Variants in PPP1R9A observed in about 807,000 individuals in gnomAD.
PPP1R9A encodes protein phosphatase 1 regulatory subunit 9A, also known as neurabin-1.
In PPP1R9A, 59 loss-of-function variants were observed where a neutral mutation model predicts 141.9. The ratio of observed to expected loss-of-function variants is 0.42; its 90% CI spans 0.34 to 0.52. The LOEUF is 0.52. Ranked by LOEUF, PPP1R9A falls within the 20% of genes least tolerant of loss-of-function variation. The pLI, the probability that PPP1R9A is intolerant of heterozygous loss-of-function variation, is 0.10. For missense variants in PPP1R9A, 1,444 were observed against 1,611.9 expected (o/e 0.90, Z 1.78); for synonymous variants, 500 against 569.7 (o/e 0.88, Z 1.74).
intron 8 of PPP1R9A, among the ~76,000 whole-genome samples, chr7:95,231,824 C>T (rs1385284524): frequency 6.6e-6 from 1 of 152,106 alleles, no homozygotes; most frequent in East Asian, 1.9e-4. Context: ...TAAGGTCCCA[C>T]TTCACAGAAC....
rs189912669 is a variant in PPP1R9A, at chr7:95,210,723, A to G, written c.1956+6993A>G. 9.3e-3 allele frequency among the ~76,000 whole-genome samples: 1,423 copies of G among 152,302 alleles called. 20 individuals carry two copies. The highest frequency in any genetic ancestry group is 0.033 in the African/African-American group (1,368 of 41,548). The stretch of plus-strand genomic sequence containing the variant: ...GTATGTTTATTGCAGCACTATTCAC[A>G]ATAGCAAAGACTTGGAACCAACCCA... On this transcript the variant is annotated intron_variant, in intron 7 of 19. Coordinates refer to ENST00000433360, the MANE Select transcript of PPP1R9A (RefSeq NM_001166160.2).
intron 8 of PPP1R9A, among the ~76,000 whole-genome samples, chr7:95,239,360 A>AGT (rs1298206407): frequency 2.6e-5 from 4 of 152,194 alleles, no homozygotes; most frequent in African/African-American, 9.6e-5. Flanking sequence ...CCAGTGTATA[A>AGT]GTGTGTACCT....
At chr7:95,274,499 C>G (rs1359481695) in intron 16 of PPP1R9A, among the ~76,000 whole-genome samples, 1 of 152,120 alleles carries the variant, frequency 6.6e-6, no homozygotes, top group Non-Finnish European at 1.5e-5. Flanking sequence ...GATTTTTTGC[C>G]TGGCTACCCA....
intron 2 of PPP1R9A, among the ~76,000 whole-genome samples, chr7:95,015,216 G>A (rs1436264279): frequency 1.4e-4 from 11 of 80,850 alleles, no homozygotes; most frequent in African/African-American, 5.9e-4. Flanking sequence ...GTACACACAC[G>A]AATATATATA....
At position 95,284,831 on chromosome 7, in the gene PPP1R9A, C is replaced by T. The variant is rs555113001; in HGVS notation, c.3609+501C>T. ...TTTTTAAATGCATGATGGTTATTTC[C>T]AGCATGACACTGCAAACCTTATCTA... On this transcript the variant is annotated intron_variant, in intron 17 of 19. Coordinates refer to ENST00000433360, the MANE Select transcript of PPP1R9A (RefSeq NM_001166160.2). 5.3e-5 allele frequency among the ~76,000 whole-genome samples: 8 copies of T among 152,254 alleles called. No homozygotes were observed. The South Asian group carries it at 1.7e-3, about 32-fold the overall frequency.
rs10230714 is a variant in PPP1R9A, at chr7:94,911,104, A to G, written c.991A>G (p.Met331Val). The change falls in exon 2 of 20, where the codon ATG becomes GTG. Residue 331 changes from methionine (M) to valine (V), a missense_variant. Met to Val is a conservative substitution (Grantham distance 21). Around this residue, in one of 5 missense-constraint regions of PPP1R9A, gnomAD observed 490 missense variants for 521.1 expected, o/e 0.94. Coordinates refer to ENST00000433360, the MANE Select transcript of PPP1R9A (RefSeq NM_001166160.2). Reference protein sequence around the residue: ...PEEPCAESKAMPKSEIPSPQS... With the variant: ...PEEPCAESKAVPKSEIPSPQS... ...AGAACCTTGTGCTGAAAGTAAGGCA[A>G]TGCCAAAGTCCGAAATCCCTTCACC... The G allele has an allele frequency of 0.069, 110,756 of 1,614,054 alleles. 8,078 individuals are homozygous for G. Among genetic ancestry groups the G allele is most frequent in the African/African-American group, 0.33 (24,880 of 74,954 alleles).
chr7:94,991,759 C>G (rs1467959686), intron 2 of PPP1R9A, among the ~76,000 whole-genome samples: 2 of 152,128 alleles, frequency 1.3e-5, no homozygotes, highest in African/African-American at 4.8e-5. Flanking sequence ...TCCAGTGATC[C>G]TCCCACTTCA....
intron 7 of PPP1R9A, among the ~76,000 whole-genome samples, chr7:95,206,776 C>A (rs183018838): frequency 6.6e-6 from 1 of 152,124 alleles, no homozygotes; most frequent in South Asian, 2.1e-4. Flanking sequence ...TCATAATTAT[C>A]GTTAATGCTT....
intron 2 of PPP1R9A, among the ~76,000 whole-genome samples, chr7:95,006,621 C>G (rs1368748466): frequency 2.0e-5 from 3 of 152,144 alleles, no homozygotes; most frequent in African/African-American, 4.8e-5. Flanking sequence ...ATTTCTGCAA[C>G]ACAGGAAATT....
intron 4 of PPP1R9A, among the ~76,000 whole-genome samples, chr7:95,154,352 T>C (rs909319622): frequency 3.9e-5 from 6 of 152,148 alleles, no homozygotes; most frequent in Middle Eastern, 3.2e-3. Context: ...TACTGGTTTT[T>C]AGTTATATTC....
At chr7:95,239,693 T>C (rs1797179028) in intron 8 of PPP1R9A, among the ~76,000 whole-genome samples, 1 of 152,062 alleles carries the variant, frequency 6.6e-6, no homozygotes, top group African/African-American at 2.4e-5. Context: ...TATGTTTCTT[T>C]TATGTTTATT....
intron 7 of PPP1R9A, among the ~76,000 whole-genome samples, chr7:95,210,204 G>A (rs1038010182): frequency 1.3e-5 from 2 of 152,098 alleles, no homozygotes; most frequent in African/African-American, 2.4e-5. Flanking sequence ...TTAAGACATG[G>A]TGAATATATT....
intron 6 of PPP1R9A, 131 bp downstream of exon 6, chr7:95,198,615 C>A: frequency 3.6e-6 from 4 of 1,105,928 alleles, no homozygotes; most frequent in Middle Eastern, 2.4e-4. Flanking sequence ...TAAAATTCTA[C>A]CTTAGAAAAG....
rs972715391 is a variant in PPP1R9A, at chr7:94,948,147, G to T, written c.1395+36639G>T. 2.0e-5 allele frequency among the ~76,000 whole-genome samples: 3 copies of T among 152,100 alleles called. No homozygotes were observed. In the East Asian group the frequency reaches 5.8e-4, roughly 29 times the overall value. ...GGTCTTTCATATTCAGTATGGGTCC[G>T]TAGGAATATATTGGTATATATTATA... On this transcript the variant is annotated intron_variant, in intron 2 of 19. Coordinates refer to ENST00000433360, the MANE Select transcript of PPP1R9A (RefSeq NM_001166160.2).
rs397726950 is a variant in PPP1R9A, at chr7:95,202,523, GT to G, written c.1891-1132del. The G allele has an allele frequency of 2.0e-4, 117 of 593,002 alleles. No individual in the cohort carries two copies. In the East Asian group the frequency reaches 3.7e-3, roughly 19 times the overall value. The allele number at this position is 593,002 out of a possible 1,614,324, so 36.7% of individuals were successfully genotyped here. ...TGTTTAATCGAAGTATTGATCACTT[GT>G]TTTTTTTTTCTTTCTTTCTCTTTTC... is the stretch of plus-strand genomic sequence containing the variant. On this transcript the variant is annotated intron_variant, in intron 6 of 19. Coordinates refer to ENST00000433360, the MANE Select transcript of PPP1R9A (RefSeq NM_001166160.2).
At chr7:95,034,387 A>C (rs1808144903) in intron 2 of PPP1R9A, among the ~76,000 whole-genome samples, 1 of 152,186 alleles carries the variant, frequency 6.6e-6, no homozygotes, top group South Asian at 2.1e-4. Flanking sequence ...AATATATTTA[A>C]AATTAAGGTG....
intron 2 of PPP1R9A, among the ~76,000 whole-genome samples, chr7:94,988,254 A>G (rs1010623068): frequency 4.6e-5 from 7 of 152,150 alleles, no homozygotes; most frequent in Non-Finnish European, 8.8e-5. Context: ...CAGTTAAAAC[A>G]AAACAAAAAT....
intron 2 of PPP1R9A, among the ~76,000 whole-genome samples, chr7:95,022,652 CATCAATATCTAGTTT>C (rs1376586014): frequency 6.6e-6 from 1 of 152,074 alleles, no homozygotes; most frequent in Non-Finnish European, 1.5e-5. Flanking sequence ...AGATATGTGC[CATCAATATCTAGTTT>C]ATTGAGAGTT....
intron 2 of PPP1R9A, among the ~76,000 whole-genome samples, chr7:94,987,914 C>G (rs188307337): frequency 6.6e-6 from 1 of 152,142 alleles, no homozygotes; most frequent in Admixed American, 6.6e-5. Flanking sequence ...ATTTGAAGTA[C>G]AGTTCTTGTC....
Sources: gnomAD v4.1 joint callset for allele counts (sites outside exome capture counted in the v4.1 genomes callset) on GRCh38, gnomAD v4.1.1 for gene constraint, gnomAD v4.1.1 regional missense constraint, MANE v1.5 for transcripts, NCBI Gene and HGNC (gene_info 2026-07-23, HGNC 2026-07-21) for gene names.